Variants in AFF1 observed in about 807,000 individuals in gnomAD.
The protein encoded by AFF1 is AF4/FMR2 family member 1.
A neutral mutation model predicts 121.7 loss-of-function variants in AFF1; 48 were observed. That is an observed-to-expected ratio of 0.39 (90% confidence interval 0.31 to 0.50). AFF1 has a LOEUF of 0.50. AFF1 is among the 20% of genes least tolerant of loss of function. AFF1 has a pLI of 0.76. For missense variants in AFF1, 1,523 were observed against 1,511.7 expected, an observed-to-expected ratio of 1.01 and a Z score of -0.12; for synonymous variants, 613 against 563.0, an observed-to-expected ratio of 1.09 and a Z score of -1.26.
At position 87,114,846 on chromosome 4, in the gene AFF1, C is replaced by G. The variant is rs756943179; in HGVS notation, c.2013C>G (p.Pro671=). The stretch of plus-strand genomic sequence containing the variant: ...GCAACGAACCCAAGCCAGCAGTGCC[C>G]CCCTCCAGTGAGAAGAAGAAGCACA... ...AASNEPKPAV[P]PSSEKKKHKS... is the part of the protein sequence containing the mutation. Residue 671 remains proline, a synonymous_variant, in exon 12 of 21, where the codon CCC becomes CCG. Coordinates refer to ENST00000395146, the MANE Select transcript of AFF1 (RefSeq NM_001166693.3). The G allele has an allele frequency of 2.5e-6, 4 of 1,613,734 alleles. No individual in the cohort carries two copies. Among genetic ancestry groups the G allele is most frequent in the Non-Finnish European group, 3.4e-6 (4 of 1,179,918 alleles).
chr4:86,950,210 C>T (rs1721207196), intron 2 of AFF1: 1 of 1,202,984 alleles, frequency 8.3e-7, no homozygotes, highest in South Asian at 1.2e-5. Flanking sequence ...CAAAGTTTCG[C>T]TATTGTTGCC....
At chr4:86,992,177 G>A (rs181042281) in intron 2 of AFF1, among the ~76,000 whole-genome samples, 326 of 152,160 alleles carry the variant, frequency 2.1e-3, no homozygotes, top group African/African-American at 7.6e-3. Context: ...ATGGACTCTC[G>A]AGTGCAGGGT....
At chr4:86,970,081 T>C (rs1408756882) in intron 2 of AFF1, among the ~76,000 whole-genome samples, 2 of 152,008 alleles carry the variant, frequency 1.3e-5, no homozygotes, top group African/African-American at 4.8e-5. Flanking sequence ...TTTGGGGGAA[T>C]ATAATTATTT....
chr4:87,122,061 T>C (rs771853878), intron 12 of AFF1, among the ~76,000 whole-genome samples: 1 of 152,258 alleles, frequency 6.6e-6, no homozygotes, highest in African/African-American at 2.4e-5. Flanking sequence ...GGGGCCTTAA[T>C]GTGTCATTAA....
At chr4:87,129,745 GTGTATAT>G (rs1728632342) in intron 16 of AFF1, among the ~76,000 whole-genome samples, 1 of 152,164 alleles carries the variant, frequency 6.6e-6, no homozygotes, top group Admixed American at 6.5e-5. Context: ...TATACTACAT[GTGTATAT>G]GTATAGCAGC....
intron 4 of AFF1, among the ~76,000 whole-genome samples, chr4:87,054,240 G>A (rs1731535057): frequency 6.6e-6 from 1 of 152,230 alleles, no homozygotes. Flanking sequence ...AATGACAACT[G>A]TTCCGGAAAA....
intron 2 of AFF1, among the ~76,000 whole-genome samples, chr4:86,995,797 T>C (rs1725113326): frequency 6.7e-6 from 1 of 148,702 alleles, no homozygotes; most frequent in Non-Finnish European, 1.5e-5. Flanking sequence ...GAGGAGCCCT[T>C]CTGCCTGGCT....
At chr4:87,132,218 C>A in intron 18 of AFF1, 53 bp from the exon 19 acceptor site, 1 of 1,579,798 alleles carries the variant, frequency 6.3e-7, no homozygotes, top group Non-Finnish European at 8.6e-7. Flanking sequence ...TAGATGGCTG[C>A]TTTTCTGTAG....
intron 1 of AFF1, among the ~76,000 whole-genome samples, chr4:86,936,785 G>A (rs1720040860): frequency 6.6e-6 from 1 of 152,160 alleles, no homozygotes; most frequent in South Asian, 2.1e-4. Context: ...TGTGGATGTT[G>A]GGAAGTATTG....
At chr4:87,134,426 A>G (rs759485501) in intron 19 of AFF1, 45 bp from the exon 20 acceptor site, 13 of 1,497,764 alleles carry the variant, frequency 8.7e-6, no homozygotes, top group East Asian at 6.8e-5. Context: ...CCAGGGGTCT[A>G]CTGGTGACTG....
chr4:87,086,470 ATGCT>A (rs1467615633), intron 5 of AFF1, among the ~76,000 whole-genome samples: 2 of 152,136 alleles, frequency 1.3e-5, no homozygotes, highest in African/African-American at 4.8e-5. Flanking sequence ...TTACCTCGAA[ATGCT>A]TGAGAGAGAG....
Position 87,125,063 on chromosome 4 carries a change from CAAG to C in AFF1, c.2496_2498del (p.Lys833del), listed in dbSNP as rs755206170. 7.5e-6 allele frequency: 12 copies of C among 1,607,812 alleles called. No homozygotes were observed. Among genetic ancestry groups the C allele is most frequent in the Middle Eastern group, 3.4e-4 (2 of 5,830 alleles). On this transcript the variant is annotated inframe_deletion, in exon 13 of 21. Transcript: ENST00000395146. ...GTGAAGCAGAAAGAGACTGTGATAA[CAAG>C]AAAATCAGACTGGAGAAGGAAATCA... is the stretch of plus-strand genomic sequence containing the variant.
chr4:87,026,230 T>C (rs1204430556), intron 2 of AFF1, among the ~76,000 whole-genome samples: 1 of 152,058 alleles, frequency 6.6e-6, no homozygotes, highest in Non-Finnish European at 1.5e-5. Flanking sequence ...GGTAAATAAA[T>C]AAAATTAAAA....
intron 2 of AFF1, among the ~76,000 whole-genome samples, chr4:86,998,126 A>AAAAAAAAAC (rs1725381921): frequency 7.5e-6 from 1 of 132,774 alleles, no homozygotes; most frequent in African/African-American, 2.8e-5. Context: ...AAAAAAAAAA[A>AAAAAAAAAC]ACAAGAAAAC....
At chr4:87,009,325 T>G (rs925442092) in intron 2 of AFF1, among the ~76,000 whole-genome samples, 1 of 152,226 alleles carries the variant, frequency 6.6e-6, no homozygotes, top group Non-Finnish European at 1.5e-5. Context: ...ACTTCCTCCC[T>G]TATGCTTCCT....
intron 2 of AFF1, among the ~76,000 whole-genome samples, chr4:86,995,329 C>T (rs1725054282): frequency 1.5e-5 from 2 of 129,986 alleles, no homozygotes; most frequent in African/African-American, 7.1e-5. Flanking sequence ...GTCTCCCTCT[C>T]CCTCTCTTTC....
At chr4:87,086,684 T>G (rs1723768918) in intron 5 of AFF1, among the ~76,000 whole-genome samples, 2 of 152,182 alleles carry the variant, frequency 1.3e-5, no homozygotes, top group Admixed American at 6.5e-5. Flanking sequence ...GGCCCTGGGC[T>G]AGCGGATGAT....
At chr4:86,952,185 C>T (rs1196632536) in intron 2 of AFF1, among the ~76,000 whole-genome samples, 1 of 152,106 alleles carries the variant, frequency 6.6e-6, no homozygotes, top group Non-Finnish European at 1.5e-5. Flanking sequence ...CATTCTCATG[C>T]TTCTCAGTGT....
intron 2 of AFF1, among the ~76,000 whole-genome samples, chr4:86,955,844 A>T (rs1386397652): frequency 1.3e-5 from 2 of 152,164 alleles, no homozygotes; most frequent in African/African-American, 4.8e-5. Flanking sequence ...ATCATATAGG[A>T]TGGAATACTG....
Sources: allele counts gnomAD v4.1 joint callset (sites outside exome capture counted in the v4.1 genomes callset), GRCh38; gene constraint gnomAD v4.1.1; transcripts MANE v1.5; gene names NCBI Gene and HGNC (gene_info 2026-07-23, HGNC 2026-07-21).